The following ARMC1 variants were observed in gnomAD, a reference collection of about 807,000 sequenced individuals.
The protein encoded by ARMC1 is armadillo repeat containing 1.
ARMC1 carries 16 observed loss-of-function variants against 31.4 expected under a neutral mutation model. That is an observed-to-expected ratio of 0.51 (90% CI 0.34 to 0.77). ARMC1 has a LOEUF of 0.77. ARMC1 is among the 30% of genes least tolerant of loss of function. The probability of loss-of-function intolerance (pLI) is 0.01; values close to 1 mark genes in which losing one functional copy is unlikely to be tolerated. For synonymous variants in ARMC1, 114 were observed against 118.9 expected (o/e 0.96, Z 0.27); for missense variants, 259 against 347.5 (o/e 0.75, Z 2.02).
In ARMC1 at chr8:65,622,339, C is replaced by T; in HGVS notation, c.199G>A (p.Ala67Thr). ...HSALLALRYLAECRANREKMK... is the reference protein window; with the variant it reads ...HSALLALRYLTECRANREKMK... Reference sequence around the variant, plus strand: ...TTTTCTCTGTTTGCACGGCATTCTGCCAAGTATCGAAGAGCCTACAGCAGA... The same window carrying T: ...TTTTCTCTGTTTGCACGGCATTCTGTCAAGTATCGAAGAGCCTACAGCAGA... The change falls in exon 3 of 7, where the codon GCA (alanine) becomes ACA (threonine). Residue 67 changes from alanine (A) to threonine (T), a missense_variant. Ala to Thr is a moderately conservative substitution (Grantham distance 58). Around this residue, in one of 3 missense-constraint regions of ARMC1, gnomAD observed 163 missense variants for 186.7 expected, o/e 0.87. Transcript: ENST00000276569. 6.2e-7 allele frequency: 1 copy of T among 1,614,022 alleles called. No homozygotes were observed. Among genetic ancestry groups the T allele is most frequent in the Middle Eastern group, 1.6e-4 (1 of 6,062 alleles).
At chr8:65,616,275 G>A (rs1452689560) in intron 3 of ARMC1, among the ~76,000 whole-genome samples, 6 of 152,184 alleles carry the variant, frequency 3.9e-5, no homozygotes, top group African/African-American at 7.2e-5. Flanking sequence ...TGCGATTGCA[G>A]GCACGCGCTG....
intron 2 of ARMC1, among the ~76,000 whole-genome samples, chr8:65,624,733 T>G (rs1039443295): frequency 6.6e-6 from 1 of 151,516 alleles, no homozygotes; most frequent in Non-Finnish European, 1.5e-5. Context: ...AGATGCATAT[T>G]GTAAAACCTA....
intron 3 of ARMC1, among the ~76,000 whole-genome samples, chr8:65,620,486 G>C (rs1174533951): frequency 1.3e-5 from 2 of 151,388 alleles, no homozygotes; most frequent in African/African-American, 4.9e-5. Context: ...ATTTTTGGTA[G>C]AGATGGGTTT....
At chr8:65,629,568 A>T (rs1258440830) in intron 1 of ARMC1, among the ~76,000 whole-genome samples, 1 of 152,092 alleles carries the variant, frequency 6.6e-6, no homozygotes, top group Non-Finnish European at 1.5e-5. Context: ...TGGGAGGCCA[A>T]GGCAGGCGGA....
intron 4 of ARMC1, among the ~76,000 whole-genome samples, chr8:65,610,009 T>C (rs77386578): frequency 0.015 from 2,288 of 152,264 alleles, 70 homozygotes; most frequent in African/African-American, 0.052. Flanking sequence ...GCAAGGTAAC[T>C]TCAGGGGAAC....
In ARMC1 at chr8:65,622,223, T is replaced by C. The variant is rs748690365; in HGVS notation, c.275+40A>G. On this transcript the variant is annotated intron_variant, in intron 3 of 6. Coordinates refer to ENST00000276569, the MANE Select transcript of ARMC1 (RefSeq NM_018120.6). ...AGGCCCTGTAAGTAAGTAATATAAG[T>C]AAGTATATAAATAAATGAGACACTG... The C allele has an allele frequency of 2.2e-5, 33 of 1,487,982 alleles. No individual in the cohort carries two copies. The Admixed American group carries it at 2.2e-4, about 10-fold the overall frequency. 92.2% of individuals were successfully genotyped at this position (1,487,982 alleles called of 1,614,324 possible).
At chr8:65,633,417 CGAAATGGTAAA>C (rs1192134697) in intron 1 of ARMC1, among the ~76,000 whole-genome samples, 177 of 152,266 alleles carry the variant, frequency 1.2e-3, no homozygotes, top group African/African-American at 4.0e-3. Flanking sequence ...AGTAAGAACG[CGAAATGGTAAA>C]ATCAAACACC....
At chr8:65,619,519 A>G (rs1210952073) in intron 3 of ARMC1, among the ~76,000 whole-genome samples, 1 of 151,990 alleles carries the variant, frequency 6.6e-6, no homozygotes, top group Non-Finnish European at 1.5e-5. Context: ...AGCCTGGGTG[A>G]GAGTGAGACT....
At position 65,605,334 on chromosome 8, in the gene ARMC1, A is replaced by G. The variant is rs757719125; in HGVS notation, c.586T>C (p.Leu196=). The change falls in exon 6 of 7, where the codon TTG becomes CTG. Residue 196 remains leucine (L), a synonymous_variant. Coordinates refer to ENST00000276569, the MANE Select transcript of ARMC1 (RefSeq NM_018120.6). Reference sequence around the variant, plus strand: ...TTGGTTGATGCTATTGCTGATGCCAAAGCCTAAGCCAAGATAAAAAGGAAC... The same window carrying G: ...TTGGTTGATGCTATTGCTGATGCCAGAGCCTAAGCCAAGATAAAAAGGAAC... ...RIRSDLKAEA[L]ASAIASTKVM... The G allele has an allele frequency of 6.2e-7, 1 of 1,613,740 alleles. No individual in the cohort carries two copies. The highest frequency in any genetic ancestry group is 8.5e-7 in the Non-Finnish European group (1 of 1,179,864).
chr8:65,622,579 A>G lies in ARMC1; in HGVS notation c.184-225T>C, dbSNP rs78713245. 1.1e-3 allele frequency among the ~76,000 whole-genome samples: 174 copies of G among 152,324 alleles called. 1 individual carries two copies. Among genetic ancestry groups the G allele is most frequent in the African/African-American group, 4.0e-3 (168 of 41,580 alleles). On this transcript the variant is annotated intron_variant, in intron 2 of 6. Transcript: ENST00000276569. ...AAATGAAGGTTCCTAACTTAGTCAC[A>G]AGGTCAAAATTAGGTTGTTCTGGTT... is the stretch of plus-strand genomic sequence containing the variant.
rs1807922597 is a variant in ARMC1 at position 65,602,856 on chromosome 8, A to T, written c.*1538T>A. ...TTTTTTTTTTCAGTTTGTGCGTGTC[A>T]CTTGAATCAGAAACCAAACACATGT... On this transcript the variant is annotated 3_prime_UTR_variant, in exon 7 of 7. Coordinates refer to ENST00000276569, the MANE Select transcript of ARMC1 (RefSeq NM_018120.6). 6.8e-6 allele frequency: 1 copy of T among 147,514 alleles called. No individual in the cohort carries two copies. The highest frequency in any genetic ancestry group is 6.9e-5 in the Admixed American group (1 of 14,420). The allele number at this position is 147,514 out of a possible 1,614,324, so 9.1% of individuals were successfully genotyped here.
rs1369835238 is a variant in ARMC1 at position 65,622,254 on chromosome 8, T to C, written c.275+9A>G. On this transcript the variant is annotated intron_variant, in intron 3 of 6. Transcript: ENST00000276569. Reference sequence around the variant, plus strand: ...TATAAATAAATGAGACACTGTCTATTGTACTTACTTCTGTATAACATTTTG... The same window carrying C: ...TATAAATAAATGAGACACTGTCTATCGTACTTACTTCTGTATAACATTTTG... The C allele has an allele frequency of 2.5e-6, 4 of 1,595,732 alleles. No individual in the cohort carries two copies. Among genetic ancestry groups the C allele is most frequent in the Admixed American group, 1.7e-5 (1 of 59,838 alleles).
intron 3 of ARMC1, among the ~76,000 whole-genome samples, chr8:65,617,722 G>A (rs1808302165): frequency 6.6e-6 from 1 of 151,970 alleles, no homozygotes; most frequent in Non-Finnish European, 1.5e-5. Context: ...CCAACTGTTG[G>A]GTACTACGCT....
Position 65,619,721 on chromosome 8 carries a change from C to T in ARMC1, c.275+2542G>A, listed in dbSNP as rs1296530657. 2.6e-5 allele frequency among the ~76,000 whole-genome samples: 4 copies of T among 151,866 alleles called. 1 individual carries two copies. The highest frequency in any genetic ancestry group is 4.2e-4 in the South Asian group (2 of 4,810). On this transcript the variant is annotated intron_variant, in intron 3 of 6. Transcript: ENST00000276569. The stretch of plus-strand genomic sequence containing the variant: ...AAATTAGGCCAGGCGCAGTGACTCA[C>T]GCCTGTAATCCCAGTACTTTGGGAG...
At chr8:65,632,379 C>T (rs1270070209) in intron 1 of ARMC1, among the ~76,000 whole-genome samples, 3 of 152,030 alleles carry the variant, frequency 2.0e-5, no homozygotes, top group East Asian at 3.9e-4. Context: ...TTTGGGAGGC[C>T]GAGGCGAGCG....
chr8:65,604,684 G>C (rs1026023408), intron 6 of ARMC1, 99 bp from the exon 7 acceptor site: 22 of 1,001,226 alleles, frequency 2.2e-5, no homozygotes, highest in Non-Finnish European at 3.1e-5. Flanking sequence ...TTACATGACA[G>C]TAGGCCCAAT....
intron 3 of ARMC1, among the ~76,000 whole-genome samples, chr8:65,620,146 A>G (rs946755833): frequency 1.1e-4 from 17 of 151,588 alleles, no homozygotes; most frequent in Non-Finnish European, 1.5e-5. Flanking sequence ...AAAAGACAAG[A>G]AAAGAAAAAT....
intron 2 of ARMC1, among the ~76,000 whole-genome samples, chr8:65,623,941 G>A (rs1462691502): frequency 1.3e-5 from 2 of 151,002 alleles, no homozygotes; most frequent in African/African-American, 2.4e-5. Context: ...GGGATTATAG[G>A]TGCCAGCCAC....
At chr8:65,622,101 T>C (rs1808406099) in intron 3 of ARMC1, among the ~76,000 whole-genome samples, 162 bp downstream of exon 3, 1 of 152,182 alleles carries the variant, frequency 6.6e-6, no homozygotes, top group South Asian at 2.1e-4. Context: ...CATTAAAACA[T>C]AGTAATCCAA....
Sources: allele counts gnomAD v4.1 joint callset (sites outside exome capture counted in the v4.1 genomes callset), GRCh38; gene constraint gnomAD v4.1.1; regional missense constraint gnomAD v4.1.1; transcripts MANE v1.5; gene names NCBI Gene and HGNC (gene_info 2026-07-23, HGNC 2026-07-21).